VSNL1: variants seen among roughly 807,000 people sequenced by gnomAD.
VSNL1 encodes visinin-like protein 1.
Under a neutral mutation model 20.4 loss-of-function variants are expected in VSNL1, and 6 were observed. That is an observed-to-expected ratio of 0.29 (90% CI 0.16 to 0.58). VSNL1 has a LOEUF of 0.58. VSNL1 is among the 20% of genes least tolerant of loss of function. The pLI is 0.90. For missense variants in VSNL1, 100 were observed against 234.5 expected (o/e 0.43, Z 3.75); for synonymous variants, 93 against 86.4 (o/e 1.08, Z -0.42).
At chr2:17,548,617 C>T (rs1663453859) in intron 1 of VSNL1, among the ~76,000 whole-genome samples, 1 of 152,090 alleles carries the variant, frequency 6.6e-6, no homozygotes, top group Admixed American at 6.6e-5. Context: ...TTCCTTCTCC[C>T]CCTGCACACC....
At chr2:17,582,991 G>A (rs903414205) in intron 1 of VSNL1, among the ~76,000 whole-genome samples, 1 of 152,028 alleles carries the variant, frequency 6.6e-6, no homozygotes, top group Non-Finnish European at 1.5e-5. Context: ...ACCTTCATAC[G>A]AGAATTTCAA....
rs562586205 is a variant in VSNL1 at position 17,649,331 on chromosome 2, A to G, written c.163-79A>G. The G allele has an allele frequency of 3.2e-5, 45 of 1,409,504 alleles. 1 individual carries two copies. The African/African-American group carries it at 5.4e-4, about 17-fold the overall frequency. 87.3% of individuals were successfully genotyped at this position (1,409,504 alleles called of 1,614,324 possible). A position where few individuals can be genotyped will look rare whatever the true frequency, so the allele number is the denominator to read the frequency against. On this transcript the variant is annotated intron_variant, in intron 2 of 3. Coordinates refer to ENST00000295156, the MANE Select transcript of VSNL1 (RefSeq NM_003385.5). The surrounding 1 kb of genome is among the most constrained non-coding windows in gnomAD (Gnocchi z 6.4). ...CCGACAACGCCCAGGAGCACCTGTG[A>G]TGCCGTCATTAGGAACCTACCTCGT... is the stretch of plus-strand genomic sequence containing the variant.
At chr2:17,606,372 G>A (rs1236038286) in intron 2 of VSNL1, among the ~76,000 whole-genome samples, 1 of 152,240 alleles carries the variant, frequency 6.6e-6, no homozygotes. Flanking sequence ...CTGTTTGGCT[G>A]TAGGCAAGTC....
At chr2:17,609,107 T>C (rs941236003) in intron 2 of VSNL1, among the ~76,000 whole-genome samples, 4 of 152,202 alleles carry the variant, frequency 2.6e-5, no homozygotes, top group African/African-American at 7.2e-5. Context: ...ATTAATTTTC[T>C]CATGGGGAAA....
intron 2 of VSNL1, among the ~76,000 whole-genome samples, chr2:17,626,213 G>C (rs1665505030): frequency 6.6e-6 from 1 of 152,202 alleles, no homozygotes; most frequent in Non-Finnish European, 1.5e-5. Context: ...TGGTGCCCTT[G>C]CAGCACTATC....
intron 1 of VSNL1, among the ~76,000 whole-genome samples, chr2:17,563,495 TAAGTA>T (rs1259476033): frequency 1.3e-5 from 2 of 152,192 alleles, no homozygotes; most frequent in African/African-American, 4.8e-5. Flanking sequence ...CTTCAGATAT[TAAGTA>T]AATAGGTAAT....
In VSNL1 at chr2:17,649,728, C is replaced by T; in HGVS notation, c.378+103C>T. On this transcript the variant is annotated intron_variant, in intron 3 of 3. Coordinates refer to ENST00000295156, the MANE Select transcript of VSNL1 (RefSeq NM_003385.5). The surrounding 1 kb of genome is among the most constrained non-coding windows in gnomAD (Gnocchi z 6.4). ...TGGCTTCTTCTCTCTCTGCTCGAGCCCTGCCAGCTGCACACCACGCCTGGA... is the reference window on the plus strand; with the variant it reads ...TGGCTTCTTCTCTCTCTGCTCGAGCTCTGCCAGCTGCACACCACGCCTGGA... 2 of 1,094,640 alleles carry T rather than the reference C, an allele frequency of 1.8e-6. No homozygotes were observed. Among genetic ancestry groups the T allele is most frequent in the Non-Finnish European group, 1.3e-6 (1 of 747,248 alleles). The allele number at this position is 1,094,640 out of a possible 1,614,324, so 67.8% of individuals were successfully genotyped here. A position where few individuals can be genotyped will look rare whatever the true frequency, so the allele number is the denominator to read the frequency against.
At chr2:17,590,255 CA>C (rs972580398) in intron 1 of VSNL1, among the ~76,000 whole-genome samples, 1 of 152,036 alleles carries the variant, frequency 6.6e-6, no homozygotes, top group Admixed American at 6.5e-5. Context: ...AATTCTCTAC[CA>C]AAAAACCAAA....
At chr2:17,555,093 G>T (rs896344315) in intron 1 of VSNL1, among the ~76,000 whole-genome samples, 3 of 152,160 alleles carry the variant, frequency 2.0e-5, no homozygotes, top group African/African-American at 7.2e-5. Context: ...CCTCAGCATA[G>T]ATTTCTGCCC....
chr2:17,604,471 C>T (rs1664900275), intron 2 of VSNL1, among the ~76,000 whole-genome samples: 1 of 152,250 alleles, frequency 6.6e-6, no homozygotes, highest in South Asian at 2.1e-4. Flanking sequence ...CTGCCCTGAG[C>T]CCTCCACTTG....
At chr2:17,561,548 C>A (rs1235634303) in intron 1 of VSNL1, among the ~76,000 whole-genome samples, 1 of 152,116 alleles carries the variant, frequency 6.6e-6, no homozygotes, top group African/African-American at 2.4e-5. Flanking sequence ...CAGTAAGAAT[C>A]TATTGGAAGC....
chr2:17,553,280 C>T (rs1482860393), intron 1 of VSNL1, among the ~76,000 whole-genome samples: 10 of 152,190 alleles, frequency 6.6e-5, no homozygotes, highest in Admixed American at 6.5e-4. Context: ...TCCCCACTGA[C>T]ATGTTTATAG....
chr2:17,638,633 G>A (rs1665812910), intron 2 of VSNL1, among the ~76,000 whole-genome samples: 1 of 152,230 alleles, frequency 6.6e-6, no homozygotes, highest in Admixed American at 6.5e-5. Flanking sequence ...CCTGGCGCTG[G>A]AGTCCAAGCT....
chr2:17,633,348 CAAAAA>C (rs10706048), intron 2 of VSNL1, among the ~76,000 whole-genome samples: 4 of 50,540 alleles, frequency 7.9e-5, no homozygotes, highest in Non-Finnish European at 1.1e-4. Context: ...ACTAAAAATA[CAAAAA>C]AAAAAAAAAA....
intron 1 of VSNL1, among the ~76,000 whole-genome samples, chr2:17,587,776 C>A (rs1664510705): frequency 1.3e-5 from 2 of 152,054 alleles, no homozygotes; most frequent in Admixed American, 1.3e-4. Context: ...ATCTCTCTGG[C>A]CTTCAAAGTT....
chr2:17,549,710 T>G (rs1431334717), intron 1 of VSNL1, among the ~76,000 whole-genome samples: 1 of 152,228 alleles, frequency 6.6e-6, no homozygotes, highest in Admixed American at 6.5e-5. Context: ...ATATTCCCAG[T>G]GCTCATTTTC....
At chr2:17,564,477 A>G (rs1663891018) in intron 1 of VSNL1, among the ~76,000 whole-genome samples, 3 of 152,240 alleles carry the variant, frequency 2.0e-5, no homozygotes, top group Non-Finnish European at 4.4e-5. Context: ...TAAAAACAAC[A>G]ACAGCAGCAA....
At chr2:17,621,425 C>A in intron 2 of VSNL1, among the ~76,000 whole-genome samples, 1 of 152,170 alleles carries the variant, frequency 6.6e-6, no homozygotes, top group Admixed American at 6.5e-5. Flanking sequence ...CGGGTTCAAG[C>A]AATTCTCCCA....
rs75368734 is a variant in VSNL1, at chr2:17,587,179, C to T, written c.-5-4891C>T. Among the ~76,000 whole-genome samples, 52 of 152,132 alleles carry T rather than the reference C, an allele frequency of 3.4e-4. 3 individuals are homozygous for T. In the East Asian group the frequency reaches 0.01, roughly 29 times the overall value. On this transcript the variant is annotated intron_variant, in intron 1 of 3. Coordinates refer to ENST00000295156, the MANE Select transcript of VSNL1 (RefSeq NM_003385.5). ...TGTGGTGGGACTGCTCCATTTCAGC[C>T]ACTCAGTTTTTATTTAAATGAATCT...
Sources: allele counts gnomAD v4.1 joint callset (sites outside exome capture counted in the v4.1 genomes callset), GRCh38; gene constraint gnomAD v4.1.1; non-coding constraint Gnocchi (gnomAD v3.1); transcripts MANE v1.5; gene names NCBI Gene and HGNC (gene_info 2026-07-23, HGNC 2026-07-21).